Variants in ESPNL observed in about 807,000 individuals in gnomAD.
ESPNL encodes espin-like protein.
ESPNL carries 49 observed loss-of-function variants against 46.8 expected under a neutral mutation model. The ratio of observed to expected loss-of-function variants is 1.05; its 90% CI spans 0.83 to 1.33. The LOEUF is 1.33. ESPNL is among the 40% of genes most tolerant of loss of function. The pLI is 0.00. For missense variants in ESPNL, 1,540 were observed against 1,436.6 expected, an observed-to-expected ratio of 1.07 and a Z score of -1.16; for synonymous variants, 664 against 662.1, an observed-to-expected ratio of 1.00 and a Z score of -0.04.
intron 4 of ESPNL, among the ~76,000 whole-genome samples, chr2:238,109,052 C>T (rs1487496180): frequency 2.0e-5 from 3 of 152,172 alleles, no homozygotes; most frequent in Non-Finnish European, 2.9e-5. Context: ...TCTCCCCAGT[C>T]TCTGTCCCCA....
chr2:238,113,020 T>C (rs1173909793), intron 4 of ESPNL, among the ~76,000 whole-genome samples: 2 of 152,224 alleles, frequency 1.3e-5, no homozygotes, highest in Non-Finnish European at 2.9e-5. Flanking sequence ...CACATTTTAG[T>C]TTACTGGATT....
rs2106307037 is a variant in ESPNL at position 238,133,115 on chromosome 2, G to T, written c.*1383G>T. On this transcript the variant is annotated 3_prime_UTR_variant, in exon 9 of 9. Coordinates refer to ENST00000343063, the MANE Select transcript of ESPNL (RefSeq NM_194312.4). ...GGGAGGGGTGGTATTGGCCATTGGG[G>T]CAGGCAGGGCCGGGAAGGGAAGTAG... 1 of 152,266 alleles carries T rather than the reference G, an allele frequency of 6.6e-6. No individual in the cohort carries two copies. Among genetic ancestry groups the T allele is most frequent in the Admixed American group, 6.5e-5 (1 of 15,296 alleles). 9.4% of individuals were successfully genotyped at this position (152,266 alleles called of 1,614,324 possible).
chr2:238,123,012 G>C (rs1574740468), intron 5 of ESPNL, among the ~76,000 whole-genome samples: 1 of 152,224 alleles, frequency 6.6e-6, no homozygotes, highest in Non-Finnish European at 1.5e-5. Flanking sequence ...CCTTCAGCAC[G>C]GCAGGGAGCA....
intron 5 of ESPNL, among the ~76,000 whole-genome samples, chr2:238,124,408 C>A (rs1048735636): frequency 6.6e-6 from 1 of 152,244 alleles, no homozygotes; most frequent in Non-Finnish European, 1.5e-5. Context: ...TCCTAGTCCA[C>A]TGCCCTTCCC....
intron 6 of ESPNL, among the ~76,000 whole-genome samples, chr2:238,126,778 T>G (rs1315199153): frequency 6.6e-6 from 1 of 151,350 alleles, no homozygotes; most frequent in African/African-American, 2.4e-5. Flanking sequence ...CTGTGTGTGA[T>G]TCTGTGTGAT....
Position 238,132,024 on chromosome 2 carries a change from A to T in ESPNL, c.*292A>T. 3.0e-6 allele frequency: 1 copy of T among 329,722 alleles called. No homozygotes were observed. The highest frequency in any genetic ancestry group is 6.7e-5 in the South Asian group (1 of 14,820). The allele number at this position is 329,722 out of a possible 1,614,324, so 20.4% of individuals were successfully genotyped here. A position where few individuals can be genotyped will look rare whatever the true frequency, so the allele number is the denominator to read the frequency against. Reference sequence around the variant, plus strand: ...GCCCAGCCGGCCCCCGAGACCTGGGATGCTGCCTGTTTCTCACTTGTCCTT... The same window carrying T: ...GCCCAGCCGGCCCCCGAGACCTGGGTTGCTGCCTGTTTCTCACTTGTCCTT... On this transcript the variant is annotated 3_prime_UTR_variant, in exon 9 of 9. Transcript: ENST00000343063.
At chr2:238,115,905 C>G (rs1227948875) in intron 4 of ESPNL, among the ~76,000 whole-genome samples, 1 of 152,236 alleles carries the variant, frequency 6.6e-6, no homozygotes, top group Non-Finnish European at 1.5e-5. Context: ...CTCCTGACTT[C>G]AGGTGATCCA....
At position 238,130,279 on chromosome 2, in the gene ESPNL, G is replaced by A. The variant is rs572001508; in HGVS notation, c.1565G>A (p.Arg522His). The A allele has an allele frequency of 7.2e-5, 116 of 1,606,982 alleles. No homozygotes were observed. Among genetic ancestry groups the A allele is most frequent in the Middle Eastern group, 6.6e-4 (4 of 6,048 alleles). The change falls in exon 9 of 9, where the codon CGC becomes CAC. Residue 522 changes from arginine to histidine, a missense_variant. Coordinates refer to ENST00000343063, the MANE Select transcript of ESPNL (RefSeq NM_194312.4). ...KQIADLQLRR[R>H]CQEYESELGR... Reference sequence around the variant, plus strand: ...ATTGCAGACCTGCAGCTTCGGCGCCGCTGTCAGGAGTATGAGAGTGAGCTG... The same window carrying A: ...ATTGCAGACCTGCAGCTTCGGCGCCACTGTCAGGAGTATGAGAGTGAGCTG...
chr2:238,120,800 C>T, intron 5 of ESPNL, among the ~76,000 whole-genome samples: 1 of 152,246 alleles, frequency 6.6e-6, no homozygotes, highest in East Asian at 1.9e-4. Flanking sequence ...CAGCTGTGGG[C>T]TGGGGGAGGC....
At chr2:238,128,575 A>C (rs904278358) in intron 7 of ESPNL, 132 bp from the exon 8 acceptor site, 51 of 774,022 alleles carry the variant, frequency 6.6e-5, no homozygotes, top group Admixed American at 1.3e-4. Context: ...CGTGGCCCCC[A>C]CTGTCCCTCC....
chr2:238,108,578 C>A (rs1302552809), intron 4 of ESPNL, among the ~76,000 whole-genome samples: 1 of 152,194 alleles, frequency 6.6e-6, no homozygotes, highest in South Asian at 2.1e-4. Context: ...TCCCCAGCCC[C>A]ATCCGGTCCT....
In ESPNL at chr2:238,127,637, C is replaced by T. The variant is rs963635586; in HGVS notation, c.1118C>T (p.Pro373Leu). Residue 373 changes from proline to leucine, a missense_variant, in exon 7 of 9, where the codon CCG (proline) becomes CTG (leucine). By Grantham distance (98) the Pro-to-Leu change is moderately conservative (BLOSUM62 -3). Coordinates refer to ENST00000343063, the MANE Select transcript of ESPNL (RefSeq NM_194312.4). ...TTCTTGGCAGCCATGTCCCTCAGCC[C>T]GGCCTGGCCTGGCCATCCTGACCAG... ...PGNPSPMSLS[P>L]AWPGHPDQPL... is the part of the protein sequence containing the mutation. The T allele has an allele frequency of 2.4e-5, 38 of 1,607,612 alleles. No individual in the cohort carries two copies. The highest frequency in any genetic ancestry group is 1.3e-4 in the Admixed American group (8 of 59,274).
chr2:238,103,919 A>C (rs1691539397), intron 2 of ESPNL, among the ~76,000 whole-genome samples: 1 of 151,924 alleles, frequency 6.6e-6, no homozygotes, highest in Admixed American at 6.6e-5. Context: ...AGGGGAGGGG[A>C]ATTCAAACCC....
rs758557392 is a variant in ESPNL at position 238,131,134 on chromosome 2, T to C, written c.2420T>C (p.Leu807Pro). 10 of 1,545,752 alleles carry C rather than the reference T, an allele frequency of 6.5e-6. No homozygotes were observed. In the African/African-American group the frequency reaches 1.2e-4, roughly 19 times the overall value. The change falls in exon 9 of 9, where the codon CTG becomes CCG. Residue 807 changes from leucine to proline, a missense_variant. Coordinates refer to ENST00000343063, the MANE Select transcript of ESPNL (RefSeq NM_194312.4). The part of the protein sequence containing the change: ...LWQQRSTITH[L>P]LGNWKAIMAH... ...CAGCAGCGCAGCACCATCACCCACCTGCTGGGCAACTGGAAGGCCATCATG... is the reference window on the plus strand; with the variant it reads ...CAGCAGCGCAGCACCATCACCCACCCGCTGGGCAACTGGAAGGCCATCATG...
intron 4 of ESPNL, among the ~76,000 whole-genome samples, chr2:238,111,098 T>G (rs1462685836): frequency 2.0e-5 from 3 of 152,048 alleles, no homozygotes; most frequent in Non-Finnish European, 4.4e-5. Flanking sequence ...GGCTAATTTT[T>G]GTATTTTTAG....
At chr2:238,126,210 CTGTGAT>C (rs1292864776) in intron 6 of ESPNL, among the ~76,000 whole-genome samples, 1 of 66,108 alleles carries the variant, frequency 1.5e-5, no homozygotes, top group African/African-American at 7.4e-5. Flanking sequence ...TTGTGTCTCT[CTGTGAT>C]TGTGTCTGTG....
At chr2:238,101,880 G>T in intron 1 of ESPNL, 61 bp from the exon 2 acceptor site, 1 of 1,335,366 alleles carries the variant, frequency 7.5e-7, no homozygotes, top group South Asian at 1.3e-5. Context: ...GCCCACCTCC[G>T]GCAGCTGGCT....
rs1559268414 is a variant in ESPNL at position 238,128,918 on chromosome 2, A to T, written c.1413+14A>T. On this transcript the variant is annotated intron_variant, in intron 8 of 8. Transcript: ENST00000343063. Reference sequence around the variant, plus strand: ...GCAGAGGCCCAGGTAGGCCCCCGGCAGGGGCGGGACCAGTGGGCGGGGCGG... The same window carrying T: ...GCAGAGGCCCAGGTAGGCCCCCGGCTGGGGCGGGACCAGTGGGCGGGGCGG... The T allele has an allele frequency of 6.5e-7, 1 of 1,532,624 alleles. No individual in the cohort carries two copies. The highest frequency in any genetic ancestry group is 2.0e-5 in the Admixed American group (1 of 50,754). 94.9% of individuals were successfully genotyped at this position (1,532,624 alleles called of 1,614,324 possible).
intron 4 of ESPNL, among the ~76,000 whole-genome samples, chr2:238,109,716 C>G (rs1303036572): frequency 6.6e-6 from 1 of 152,258 alleles, no homozygotes; most frequent in African/African-American, 2.4e-5. Flanking sequence ...TTAGTGAACC[C>G]AAACTAGCAC....
Sources: gnomAD v4.1 joint callset for allele counts (sites outside exome capture counted in the v4.1 genomes callset) on GRCh38, gnomAD v4.1.1 for gene constraint, MANE v1.5 for transcripts, NCBI Gene and HGNC (gene_info 2026-07-23, HGNC 2026-07-21) for gene names.